The following TRIM55 variants were observed in gnomAD, a reference collection of about 807,000 sequenced individuals.
TRIM55 encodes tripartite motif-containing protein 55.
A neutral mutation model predicts 60.9 loss-of-function variants in TRIM55; 50 were observed. That is an observed-to-expected ratio of 0.82 (90% CI 0.65 to 1.04). TRIM55 has a LOEUF of 1.04. TRIM55 is among the 50% of genes least tolerant of loss of function. The pLI, the probability that TRIM55 is intolerant of heterozygous loss-of-function variation, is 0.00. For missense variants in TRIM55, 681 were observed against 666.9 expected, an observed-to-expected ratio of 1.02 and a Z score of -0.23; for synonymous variants, 237 against 238.1, an observed-to-expected ratio of 1.00 and a Z score of 0.04.
chr8:66,161,723 C>A (rs1237115793), intron 9 of TRIM55, among the ~76,000 whole-genome samples: 2 of 144,982 alleles, frequency 1.4e-5, no homozygotes, highest in Admixed American at 6.9e-5. Context: ...TGGTAGAGGT[C>A]ATTCATGTCC....
chr8:66,141,669 A>G (rs1809826214), intron 4 of TRIM55, among the ~76,000 whole-genome samples: 1 of 152,252 alleles, frequency 6.6e-6, no homozygotes, highest in Admixed American at 6.5e-5. Context: ...TCCCAAAGGC[A>G]GGCTGGCAGG....
chr8:66,167,457 G>A (rs180771743), intron 9 of TRIM55, among the ~76,000 whole-genome samples: 16 of 152,266 alleles, frequency 1.1e-4, no homozygotes, highest in Non-Finnish European at 2.2e-4. Flanking sequence ...GCAAGTTTTT[G>A]CCAGGCTGTG....
At chr8:66,120,841 C>T in the TRIM55 span, among the ~76,000 whole-genome samples, 1 of 152,190 alleles carries the variant, frequency 6.6e-6, no homozygotes, top group African/African-American at 2.4e-5. Context: ...GTGAGTCATT[C>T]TACCAAACTA....
chr8:66,148,868 G>A (rs1810249273), intron 4 of TRIM55, among the ~76,000 whole-genome samples: 1 of 152,188 alleles, frequency 6.6e-6, no homozygotes, highest in African/African-American at 2.4e-5. Flanking sequence ...GGCCAATGTG[G>A]TGAAACCCCA....
intron 9 of TRIM55, among the ~76,000 whole-genome samples, chr8:66,163,548 C>T (rs1335053517): frequency 3.9e-5 from 6 of 152,120 alleles, no homozygotes; most frequent in African/African-American, 1.4e-4. Flanking sequence ...TTTAGATGAG[C>T]GGCATTTCGT....
intron 4 of TRIM55, among the ~76,000 whole-genome samples, chr8:66,147,767 C>T (rs1357677430): frequency 1.6e-5 from 2 of 121,648 alleles, no homozygotes; most frequent in East Asian, 2.8e-4. Flanking sequence ...TGCACTCCAG[C>T]GTGGGTGACA....
chr8:66,165,203 G>C (rs891038149), intron 9 of TRIM55, among the ~76,000 whole-genome samples: 1 of 152,118 alleles, frequency 6.6e-6, no homozygotes, highest in East Asian at 1.9e-4. Context: ...TTCCAAGGAG[G>C]AGCAACCTTT....
chr8:66,113,980 G>C, the TRIM55 span, among the ~76,000 whole-genome samples: 12,805 of 151,112 alleles, frequency 0.085, 901 homozygotes, highest in African/African-American at 0.19. Flanking sequence ...GGGAAGCTGT[G>C]CCCGCTCCCT....
At chr8:66,155,747 A>C in intron 9 of TRIM55, 1 of 1,388,766 alleles carries the variant, frequency 7.2e-7, no homozygotes, top group Non-Finnish European at 1.0e-6. Flanking sequence ...CTAACATCTC[A>C]CATAGTTTCT....
chr8:66,174,672 T>C lies in TRIM55; in HGVS notation c.*79T>C. ...GCAGGAAGCCCAAGTGAAATTAATA[T>C]TATGCAGATGATGAAAGGGACCTCT... is the stretch of plus-strand genomic sequence containing the variant. On this transcript the variant is annotated 3_prime_UTR_variant, in exon 10 of 10. Transcript: ENST00000315962. 6 of 1,420,908 alleles carry C rather than the reference T, an allele frequency of 4.2e-6. No homozygotes were observed. The highest frequency in any genetic ancestry group is 5.5e-6 in the Non-Finnish European group (6 of 1,084,226). 88.0% of individuals were successfully genotyped at this position (1,420,908 alleles called of 1,614,324 possible). A position where few individuals can be genotyped will look rare whatever the true frequency, so the allele number is the denominator to read the frequency against.
chr8:66,151,630 C>A (rs1057289763), intron 7 of TRIM55, among the ~76,000 whole-genome samples: 4 of 151,970 alleles, frequency 2.6e-5, no homozygotes, highest in African/African-American at 9.7e-5. Flanking sequence ...TCACTTAAGG[C>A]CAGGAGTTTG....
At chr8:66,114,009 G>A in the TRIM55 span, among the ~76,000 whole-genome samples, 4,507 of 151,700 alleles carry the variant, frequency 0.03, 82 homozygotes, top group Non-Finnish European at 0.045. Flanking sequence ...TCAGCTGGTA[G>A]AGCGGAGGAC....
At chr8:66,171,658 C>T (rs188504891) in intron 9 of TRIM55, among the ~76,000 whole-genome samples, 64 of 152,310 alleles carry the variant, frequency 4.2e-4, no homozygotes, top group Middle Eastern at 6.8e-3. Context: ...AGAAATAGCA[C>T]TTTCTGTGAT....
intron 9 of TRIM55, among the ~76,000 whole-genome samples, chr8:66,158,326 C>T (rs1446588454): frequency 6.6e-6 from 1 of 152,078 alleles, no homozygotes; most frequent in Non-Finnish European, 1.5e-5. Context: ...GATAAGAGGC[C>T]CTGAAAGCTT....
Position 66,128,336 on chromosome 8 carries a change from T to C in TRIM55, c.201T>C (p.Gly67=). ...ACCCGTATTTGCCCACAAGAGGAGG[T>C]ACCACCATGGCATCAGGGGGCCGAT... ...ASNPYLPTRG[G]TTMASGGRFR... Residue 67 remains glycine, a synonymous_variant, in exon 2 of 10, where the codon GGT becomes GGC. Transcript: ENST00000315962. The C allele has an allele frequency of 6.2e-7, 1 of 1,612,516 alleles. No individual in the cohort carries two copies. Among genetic ancestry groups the C allele is most frequent in the Non-Finnish European group, 8.5e-7 (1 of 1,179,244 alleles).
chr8:66,137,058 C>A, intron 3 of TRIM55, 37 bp from the exon 4 acceptor site: 2 of 1,575,800 alleles, frequency 1.3e-6, no homozygotes, highest in Non-Finnish European at 1.7e-6. Context: ...GGCTAGGAAA[C>A]CCCTAAGATA....
At chr8:66,113,687 G>A in the TRIM55 span, 1 of 423,812 alleles carries the variant, frequency 2.4e-6, no homozygotes, top group Admixed American at 2.6e-5. Context: ...GCGACTGCCG[G>A]GTCACGACTT....
chr8:66,118,353 G>T, the TRIM55 span, among the ~76,000 whole-genome samples: 2 of 151,748 alleles, frequency 1.3e-5, no homozygotes, highest in African/African-American at 4.8e-5. Context: ...TCTAATGAAA[G>T]AAATGCCAGT....
chr8:66,135,483 G>T (rs1020172193), intron 3 of TRIM55, among the ~76,000 whole-genome samples: 3 of 152,204 alleles, frequency 2.0e-5, no homozygotes, highest in Non-Finnish European at 4.4e-5. Flanking sequence ...CCCAGCAAAA[G>T]CTCAAACTGC....
Sources: gnomAD v4.1 joint callset for allele counts (sites outside exome capture counted in the v4.1 genomes callset) on GRCh38, gnomAD v4.1.1 for gene constraint, MANE v1.5 for transcripts, NCBI Gene and HGNC (gene_info 2026-07-23, HGNC 2026-07-21) for gene names.